PXDNL: variants seen among roughly 807,000 people sequenced by gnomAD.
PXDNL encodes peroxidasin like.
Under a neutral mutation model 150.8 loss-of-function variants are expected in PXDNL, and 145 were observed. The observed-to-expected ratio is 0.96, with a 90% confidence interval of 0.84 to 1.10. The LOEUF is 1.10. Among genes scored for constraint, PXDNL ranks in the 50% least tolerant of loss-of-function variants. The pLI is 0.00. For missense variants in PXDNL, 2,087 were observed against 1,873.9 expected, an observed-to-expected ratio of 1.11 and a Z score of -2.10; for synonymous variants, 757 against 725.7, an observed-to-expected ratio of 1.04 and a Z score of -0.69.
Position 51,710,064 on chromosome 8 carries a change from G to GA in PXDNL, c.165-55305dup, listed in dbSNP as rs748429758. 3.3e-5 allele frequency among the ~76,000 whole-genome samples: 5 copies of GA among 152,078 alleles called. No homozygotes were observed. In the South Asian group the frequency reaches 6.2e-4, roughly 19 times the overall value. On this transcript the variant is annotated intron_variant, in intron 1 of 22. Coordinates refer to ENST00000356297, the MANE Select transcript of PXDNL (RefSeq NM_144651.5). ...GAGCCAATCAAGGTATTTAAACTTT[G>GA]AAAAAAGAGATAAAAATATTTCCTG... is the stretch of plus-strand genomic sequence containing the variant.
chr8:51,804,108 G>A (rs901521230), intron 1 of PXDNL, among the ~76,000 whole-genome samples: 1 of 152,242 alleles, frequency 6.6e-6, no homozygotes, highest in African/African-American at 2.4e-5. Flanking sequence ...AGGGAGACAT[G>A]AGACATCAAT....
intron 1 of PXDNL, 100 bp downstream of exon 1, chr8:51,809,081 G>A: frequency 8.1e-7 from 1 of 1,239,132 alleles, no homozygotes; most frequent in Non-Finnish European, 1.2e-6. Flanking sequence ...ATACAAGCAG[G>A]GAGAGCATTA....
chr8:51,474,676 C>A (rs1810430626), intron 7 of PXDNL, among the ~76,000 whole-genome samples: 1 of 152,088 alleles, frequency 6.6e-6, no homozygotes, highest in Non-Finnish European at 1.5e-5. Context: ...CGTTGGACAC[C>A]ACTTCTGGTG....
intron 8 of PXDNL, among the ~76,000 whole-genome samples, chr8:51,461,342 G>A (rs1810078506): frequency 6.6e-6 from 1 of 152,234 alleles, no homozygotes; most frequent in South Asian, 2.1e-4. Flanking sequence ...CTTTCTGCTA[G>A]CCACAGCCTC....
intron 4 of PXDNL, among the ~76,000 whole-genome samples, chr8:51,500,105 G>A (rs1049724448): frequency 1.2e-4 from 19 of 152,122 alleles, no homozygotes; most frequent in African/African-American, 4.1e-4. Context: ...GCAAAGTTAC[G>A]GTAATAATTA....
intron 19 of PXDNL, among the ~76,000 whole-genome samples, chr8:51,371,409 A>G (rs950999798): frequency 1.3e-5 from 2 of 152,220 alleles, no homozygotes; most frequent in African/African-American, 4.8e-5. Flanking sequence ...TTGTGTCATT[A>G]GGGAAAGTTT....
At chr8:51,365,771 A>C (rs558387129) in intron 19 of PXDNL, among the ~76,000 whole-genome samples, 54 of 152,356 alleles carry the variant, frequency 3.5e-4, no homozygotes, top group African/African-American at 1.3e-3. Flanking sequence ...AGTATTGGTC[A>C]CATGCTCACC....
At chr8:51,751,600 G>A (rs918359762) in intron 1 of PXDNL, among the ~76,000 whole-genome samples, 5 of 152,168 alleles carry the variant, frequency 3.3e-5, no homozygotes, top group Non-Finnish European at 7.3e-5. Context: ...AAGGGAATTT[G>A]CATTAGAATA....
intron 3 of PXDNL, among the ~76,000 whole-genome samples, chr8:51,561,534 T>A (rs574308079): frequency 1.3e-4 from 19 of 151,942 alleles, no homozygotes; most frequent in Non-Finnish European, 2.5e-4. Flanking sequence ...TGAATTAATT[T>A]TTTTTTAAAA....
chr8:51,589,063 C>G (rs1486082331), intron 3 of PXDNL, among the ~76,000 whole-genome samples: 1 of 152,064 alleles, frequency 6.6e-6, no homozygotes, highest in Non-Finnish European at 1.5e-5. Context: ...AGTTGGTTAT[C>G]ACAGACGTTT....
intron 17 of PXDNL, among the ~76,000 whole-genome samples, chr8:51,378,266 A>G (rs1170930979): frequency 6.6e-6 from 1 of 151,976 alleles, no homozygotes; most frequent in Admixed American, 6.5e-5. Context: ...TAGCTAAGGG[A>G]TTGTAAATAC....
intron 1 of PXDNL, among the ~76,000 whole-genome samples, chr8:51,673,195 G>A (rs186945385): frequency 1.3e-5 from 2 of 152,240 alleles, no homozygotes; most frequent in Admixed American, 6.5e-5. Context: ...TTAATGATGT[G>A]GGGAAATGTT....
intron 8 of PXDNL, among the ~76,000 whole-genome samples, chr8:51,462,867 G>GAA (rs113382312): frequency 0.023 from 3,456 of 150,604 alleles, 113 homozygotes; most frequent in African/African-American, 0.08. Context: ...AGGTCAACAT[G>GAA]AAAAAAAAAC....
intron 19 of PXDNL, among the ~76,000 whole-genome samples, chr8:51,361,937 CAAAAAAAAAAAAAAAAAAAAA>C (rs57092440): frequency 1.4e-4 from 8 of 58,064 alleles, no homozygotes; most frequent in Admixed American, 2.9e-4. Context: ...GATTCCATCT[CAAAAAAAAAAAAAAAAAAAAA>C]AAAAAAAGAA....
chr8:51,639,730 G>C (rs1814699046), intron 2 of PXDNL, among the ~76,000 whole-genome samples: 1 of 151,930 alleles, frequency 6.6e-6, no homozygotes, highest in Non-Finnish European at 1.5e-5. Flanking sequence ...CAACCAAAAA[G>C]AGTCCAGGAC....
intron 3 of PXDNL, among the ~76,000 whole-genome samples, chr8:51,585,546 G>T (rs1163106559): frequency 2.6e-5 from 4 of 152,170 alleles, no homozygotes; most frequent in African/African-American, 9.6e-5. Context: ...AACACAGAAT[G>T]GTTCCATATG....
intron 20 of PXDNL, among the ~76,000 whole-genome samples, chr8:51,344,300 T>C (rs1296659947): frequency 6.6e-6 from 1 of 152,102 alleles, no homozygotes; most frequent in East Asian, 1.9e-4. Flanking sequence ...AAAAAACTTT[T>C]TTAGAGATGG....
Position 51,661,190 on chromosome 8 carries a change from A to G in PXDNL, c.165-6430T>C, listed in dbSNP as rs572313394. 4.6e-5 allele frequency among the ~76,000 whole-genome samples: 7 copies of G among 152,244 alleles called. No homozygotes were observed. In the East Asian group the frequency reaches 1.4e-3, roughly 29 times the overall value. The stretch of plus-strand genomic sequence containing the variant: ...CCTCCATCTTGCCCGATTCCCAGTC[A>G]TGTTCCCAGCTGAGGAAGGCTCCTG... On this transcript the variant is annotated intron_variant, in intron 1 of 22. Transcript: ENST00000356297.
intron 6 of PXDNL, among the ~76,000 whole-genome samples, chr8:51,483,048 A>G (rs892779634): frequency 1.3e-5 from 2 of 152,184 alleles, no homozygotes; most frequent in South Asian, 4.2e-4. Flanking sequence ...ACCACAAAAT[A>G]AAGACATCAA....
Sources: gnomAD v4.1 joint callset for allele counts (sites outside exome capture counted in the v4.1 genomes callset) on GRCh38, gnomAD v4.1.1 for gene constraint, MANE v1.5 for transcripts, NCBI Gene and HGNC (gene_info 2026-07-23, HGNC 2026-07-21) for gene names.